The following PTPRG variants were observed in gnomAD, a reference collection of about 807,000 sequenced individuals.
PTPRG encodes protein tyrosine phosphatase receptor type G, also known as receptor-type tyrosine-protein phosphatase gamma.
PTPRG carries 102 observed loss-of-function variants against 165.3 expected under a neutral mutation model. That is an observed-to-expected ratio of 0.62 (90% CI 0.53 to 0.73). PTPRG has a LOEUF of 0.73. PTPRG is among the 30% of genes least tolerant of loss of function. The pLI is 0.00. For missense variants in PTPRG, 1,866 were observed against 1,861.4 expected (o/e 1.00, Z -0.05); for synonymous variants, 675 against 669.5 (o/e 1.01, Z -0.13).
At chr3:62,087,015 C>A (rs1282336713) in intron 5 of PTPRG, among the ~76,000 whole-genome samples, 4 of 152,208 alleles carry the variant, frequency 2.6e-5, no homozygotes, top group Non-Finnish European at 4.4e-5. Flanking sequence ...TAAATTAAAT[C>A]ATTGCACTTC....
intron 2 of PTPRG, among the ~76,000 whole-genome samples, chr3:61,837,470 C>T (rs1420037434): frequency 1.3e-5 from 2 of 152,164 alleles, no homozygotes; most frequent in African/African-American, 2.4e-5. Flanking sequence ...CCTGTTTGCC[C>T]ATGTCTTGCT....
intron 8 of PTPRG, among the ~76,000 whole-genome samples, chr3:62,183,430 G>T (rs1705737638): frequency 6.6e-6 from 1 of 152,220 alleles, no homozygotes; most frequent in Non-Finnish European, 1.5e-5. Context: ...CAGGTGTGGT[G>T]GTGGGTACCT....
At chr3:61,604,702 A>T (rs1178437636) in intron 1 of PTPRG, among the ~76,000 whole-genome samples, 1 of 152,076 alleles carries the variant, frequency 6.6e-6, no homozygotes, top group Non-Finnish European at 1.5e-5. Flanking sequence ...GACCTTTTGT[A>T]TTGTAACACT....
intron 6 of PTPRG, among the ~76,000 whole-genome samples, chr3:62,152,134 G>A (rs751654278): frequency 1.3e-5 from 2 of 152,072 alleles, no homozygotes; most frequent in African/African-American, 4.8e-5. Flanking sequence ...GGGAGGCTGG[G>A]GCTGGAGGAT....
intron 2 of PTPRG, among the ~76,000 whole-genome samples, chr3:61,825,953 C>T (rs1165070382): frequency 6.6e-6 from 1 of 152,140 alleles, no homozygotes; most frequent in East Asian, 1.9e-4. Context: ...CCACTCCCAG[C>T]CAATCTTGTT....
At chr3:61,789,336 G>A (rs2034804358) in intron 2 of PTPRG, among the ~76,000 whole-genome samples, 1 of 152,120 alleles carries the variant, frequency 6.6e-6, no homozygotes, top group Admixed American at 6.5e-5. Context: ...TCTTGGTCCT[G>A]ATCTCAAGTG....
In PTPRG at chr3:62,243,232, G is replaced by A. The variant is rs575250476; in HGVS notation, c.2376-575G>A. On this transcript the variant is annotated intron_variant, in intron 14 of 29. Transcript: ENST00000474889. Reference sequence around the variant, plus strand: ...ACAAACAAGCAGATGACACGTAAGGGCTTCAAGACCTTGTCTCAGATGTTG... The same window carrying A: ...ACAAACAAGCAGATGACACGTAAGGACTTCAAGACCTTGTCTCAGATGTTG... 4.6e-5 allele frequency among the ~76,000 whole-genome samples: 7 copies of A among 152,066 alleles called. No homozygotes were observed. The East Asian group carries it at 1.4e-3, about 30-fold the overall frequency.
chr3:61,912,726 A>G (rs1256215579), intron 2 of PTPRG, among the ~76,000 whole-genome samples: 1 of 152,166 alleles, frequency 6.6e-6, no homozygotes, highest in African/African-American at 2.4e-5. Flanking sequence ...GCATTTCTTT[A>G]TTCTCCATGC....
At chr3:62,263,837 ACT>A in intron 17 of PTPRG, 1 of 151,768 alleles carries the variant, frequency 6.6e-6, no homozygotes, top group Non-Finnish European at 1.5e-5. Context: ...ACATGGTGAA[ACT>A]CTGTCTCTAC....
At chr3:61,826,367 A>G (rs1575696950) in intron 2 of PTPRG, among the ~76,000 whole-genome samples, 1 of 152,220 alleles carries the variant, frequency 6.6e-6, no homozygotes, top group Non-Finnish European at 1.5e-5. Flanking sequence ...AACTGACAAG[A>G]TAATGACATG....
At chr3:62,268,979 C>G in intron 19 of PTPRG, 56 bp from the exon 20 acceptor site, 1 of 1,459,958 alleles carries the variant, frequency 6.8e-7, no homozygotes, top group South Asian at 1.5e-5. Context: ...ATTACATTAT[C>G]AACAGAATTG....
intron 1 of PTPRG, among the ~76,000 whole-genome samples, chr3:61,738,324 A>ATGTGTATATATATATG: frequency 2.1e-5 from 2 of 93,650 alleles, no homozygotes; most frequent in South Asian, 3.9e-4. Flanking sequence ...ATATATATAT[A>ATGTGTATATATATATG]TATATATATA....
intron 5 of PTPRG, among the ~76,000 whole-genome samples, chr3:62,093,301 C>T (rs561742274): frequency 1.1e-3 from 165 of 152,310 alleles, no homozygotes; most frequent in African/African-American, 3.8e-3. Flanking sequence ...TCTTAAAGAG[C>T]ATGTTCTCAA....
chr3:61,581,615 T>C (rs974465684), intron 1 of PTPRG, among the ~76,000 whole-genome samples: 3 of 149,204 alleles, frequency 2.0e-5, no homozygotes, highest in African/African-American at 2.4e-5. Context: ...TTTTCTTTTT[T>C]TTTTTTTTTT....
At chr3:62,238,322 C>T (rs1701077070) in intron 14 of PTPRG, among the ~76,000 whole-genome samples, 1 of 152,118 alleles carries the variant, frequency 6.6e-6, no homozygotes, top group Non-Finnish European at 1.5e-5. Context: ...GTAAGTCCCT[C>T]TATCTTGGGT....
chr3:61,621,753 T>C (rs959270191), intron 1 of PTPRG, among the ~76,000 whole-genome samples: 6 of 152,212 alleles, frequency 3.9e-5, no homozygotes, highest in African/African-American at 1.4e-4. Context: ...AATGAATCAA[T>C]AGATATGTCC....
At chr3:62,232,520 C>A (rs1030822554) in intron 14 of PTPRG, among the ~76,000 whole-genome samples, 1 of 152,316 alleles carries the variant, frequency 6.6e-6, no homozygotes, top group Non-Finnish European at 1.5e-5. Context: ...ATACCCAGTC[C>A]ATTATAAATA....
In PTPRG at chr3:62,231,297, A is replaced by G; in HGVS notation, c.2361A>G (p.Gly787=). ...AAGTGCCTTCTTCTGGGGAGAGAGG[A>G]GAGAAGGGGAGCAGGTGAGGGGCGG... ...FREVPSSGER[G]EKGSRKCFQT... The change falls in exon 14 of 30, where the codon GGA becomes GGG. Residue 787 remains glycine (G), a synonymous_variant. Transcript: ENST00000474889. The G allele has an allele frequency of 6.3e-7, 1 of 1,594,048 alleles. No individual in the cohort carries two copies. The highest frequency in any genetic ancestry group is 8.5e-7 in the Non-Finnish European group (1 of 1,169,784).
intron 26 of PTPRG, among the ~76,000 whole-genome samples, chr3:62,279,264 C>T (rs1227469454): frequency 6.6e-6 from 1 of 152,024 alleles, no homozygotes; most frequent in African/African-American, 2.4e-5. Context: ...TATCTTTGAC[C>T]TATAAATATA....
Sources: allele counts gnomAD v4.1 joint callset (sites outside exome capture counted in the v4.1 genomes callset), GRCh38; gene constraint gnomAD v4.1.1; transcripts MANE v1.5; gene names NCBI Gene and HGNC (gene_info 2026-07-23, HGNC 2026-07-21).